The following PIWIL4 variants were observed in gnomAD, a reference collection of about 807,000 sequenced individuals.
PIWIL4 encodes the protein piwi like RNA-mediated gene silencing 4, also known as piwi-like protein 4.
PIWIL4 carries 50 observed loss-of-function variants against 100.9 expected under a neutral mutation model. The observed-to-expected ratio is 0.50, with a 90% CI of 0.39 to 0.63. The LOEUF (loss-of-function observed/expected upper bound fraction) is 0.63, where lower values mean the gene tolerates loss of function less well. PIWIL4 is among the 20% of genes least tolerant of loss of function. The pLI is 0.00. For synonymous variants in PIWIL4, 342 were observed against 367.5 expected (o/e 0.93, Z 0.79); for missense variants, 887 against 1,043.3 (o/e 0.85, Z 2.06).
intron 9 of PIWIL4, among the ~76,000 whole-genome samples, chr11:94,594,047 C>G (rs16920658): frequency 1.3e-5 from 2 of 152,038 alleles, no homozygotes; most frequent in Non-Finnish European, 2.9e-5. Context: ...ATAACTGCCT[C>G]GAGTACTTTT....
chr11:94,579,293 A>G (rs964697779), intron 4 of PIWIL4, among the ~76,000 whole-genome samples: 2 of 152,170 alleles, frequency 1.3e-5, no homozygotes, highest in Admixed American at 6.5e-5. Flanking sequence ...GGAAATAGCT[A>G]TTGTGTATTT....
chr11:94,606,455 A>G (rs1050092647), intron 13 of PIWIL4, among the ~76,000 whole-genome samples: 2 of 152,122 alleles, frequency 1.3e-5, no homozygotes, highest in African/African-American at 4.8e-5. Context: ...CTTTTCTACA[A>G]TTTGGGGGCT....
chr11:94,608,381 T>C, intron 14 of PIWIL4: 1 of 537,432 alleles, frequency 1.9e-6, no homozygotes, highest in Non-Finnish European at 3.3e-6. Flanking sequence ...AAGATAAGTG[T>C]GTACCATATT....
intron 11 of PIWIL4, among the ~76,000 whole-genome samples, chr11:94,600,073 G>A (rs776400336): frequency 3.9e-5 from 6 of 152,096 alleles, no homozygotes; most frequent in Non-Finnish European, 7.4e-5. Flanking sequence ...TGTGCCAAAG[G>A]CATCATTCAA....
chr11:94,584,209 A>C (rs1948366288), intron 5 of PIWIL4, among the ~76,000 whole-genome samples: 1 of 152,222 alleles, frequency 6.6e-6, no homozygotes, highest in African/African-American at 2.4e-5. Flanking sequence ...TTTAGGATAC[A>C]CTGAAGCTTG....
chr11:94,602,965 G>T (rs1353189597), intron 12 of PIWIL4, among the ~76,000 whole-genome samples: 1 of 152,236 alleles, frequency 6.6e-6, no homozygotes, highest in Non-Finnish European at 1.5e-5. Context: ...TCTTTCTCAT[G>T]TGAATTCTGG....
chr11:94,605,304 C>T (rs1362165902), intron 13 of PIWIL4, among the ~76,000 whole-genome samples: 1 of 152,202 alleles, frequency 6.6e-6, no homozygotes, highest in Non-Finnish European at 1.5e-5. Context: ...TTTTCCTTGA[C>T]TCTGATGACC....
At chr11:94,575,206 A>G (rs1402776267) in intron 3 of PIWIL4, 76 bp downstream of exon 3, 1 of 1,435,088 alleles carries the variant, frequency 7.0e-7, no homozygotes, top group Non-Finnish European at 9.6e-7. Flanking sequence ...TAGGTCTAAA[A>G]TAAATAAGTT....
intron 12 of PIWIL4, 143 bp from the exon 13 acceptor site, chr11:94,603,841 A>T (rs1948678970): frequency 1.8e-6 from 1 of 551,114 alleles, no homozygotes; most frequent in Non-Finnish European, 3.2e-6. Flanking sequence ...ACAATTTTAG[A>T]CTCAAAAGGT....
intron 13 of PIWIL4, among the ~76,000 whole-genome samples, chr11:94,606,310 A>G (rs1243377187): frequency 6.6e-6 from 1 of 152,226 alleles, no homozygotes; most frequent in East Asian, 1.9e-4. Context: ...CCTTTTGCTG[A>G]TAATTTAAAA....
chr11:94,587,284 A>G, intron 7 of PIWIL4, 37 bp downstream of exon 7: 1 of 1,570,486 alleles, frequency 6.4e-7, no homozygotes, highest in Non-Finnish European at 8.7e-7. Flanking sequence ...TTCTTCAGAA[A>G]TCAATCATTG....
chr11:94,615,114 T>A (rs1009311741), intron 15 of PIWIL4, among the ~76,000 whole-genome samples: 1 of 152,072 alleles, frequency 6.6e-6, no homozygotes, highest in Non-Finnish European at 1.5e-5. Flanking sequence ...GGCCTCTTGA[T>A]GAAGCTCATA....
intron 2 of PIWIL4, among the ~76,000 whole-genome samples, chr11:94,571,734 C>T (rs1366292354): frequency 2.0e-5 from 3 of 152,224 alleles, no homozygotes; most frequent in East Asian, 1.9e-4. Context: ...TGAATAGTGC[C>T]ACAATAAACA....
chr11:94,578,921 T>C (rs1948278708), intron 4 of PIWIL4, among the ~76,000 whole-genome samples: 1 of 152,254 alleles, frequency 6.6e-6, no homozygotes, highest in Non-Finnish European at 1.5e-5. Flanking sequence ...TCCTTTTTCC[T>C]GTTCCCTTGC....
intron 2 of PIWIL4, 137 bp from the exon 3 acceptor site, chr11:94,574,862 A>G: frequency 1.2e-6 from 1 of 834,020 alleles, no homozygotes; most frequent in Non-Finnish European, 1.9e-6. Context: ...TGTAATAGTC[A>G]TGAATGGTTT....
rs1250896826 is a variant in PIWIL4, at chr11:94,595,356, G to T, written c.1198G>T (p.Ala400Ser). ...TGATTTCCAGCTGATGAAGGCTGTG[G>T]CTGAAAAGACACGTCTCAGTCCTTC... ...TSDFQLMKAV[A>S]EKTRLSPSGR... The change falls in exon 10 of 20, where the codon GCT becomes TCT. Residue 400 changes from alanine to serine, a missense_variant. Physicochemically the swap from Ala to Ser is moderately conservative, Grantham distance 99. This residue lies in a region of PIWIL4 where 741 missense variants were observed against 930.0 expected (regional missense o/e 0.80). Transcript: ENST00000299001. The T allele has an allele frequency of 1.9e-6, 3 of 1,613,926 alleles. No individual in the cohort carries two copies. In the Admixed American group the frequency reaches 5.0e-5, roughly 27 times the overall value.
rs549427903 is a variant in PIWIL4 at position 94,586,917 on chromosome 11, A to C, written c.717-133A>C. On this transcript the variant is annotated intron_variant, in intron 6 of 19. Transcript: ENST00000299001. ...AAAGTTTTCAGTCAACAACTGGAAG[A>C]AATCAGACTAAAGAAAAAAATTATC... The C allele has an allele frequency of 7.1e-5, 63 of 893,442 alleles. No homozygotes were observed. In the African/African-American group the frequency reaches 9.9e-4, roughly 14 times the overall value. 55.3% of individuals were successfully genotyped at this position (893,442 alleles called of 1,614,324 possible). A position where few individuals can be genotyped will look rare whatever the true frequency, so the allele number is the denominator to read the frequency against.
intron 11 of PIWIL4, 61 bp downstream of exon 11, chr11:94,597,976 G>T: frequency 7.6e-7 from 1 of 1,317,722 alleles, no homozygotes. Context: ...TAAGTTTTGT[G>T]CATTGGCCAG....
rs569857568 is a variant in PIWIL4, at chr11:94,567,599, G to C, written c.81G>C (p.Ser27=). 34 of 1,602,722 alleles carry C rather than the reference G, an allele frequency of 2.1e-5. No individual in the cohort carries two copies. Among genetic ancestry groups the C allele is most frequent in the Non-Finnish European group, 2.7e-5 (32 of 1,174,540 alleles). ...CAGAAGTGGGGCGCATCCAAGCCTC[G>C]CCATTGGTGTGTAGAATGCTTATTG... ...SATEVGRIQA[S]PLPRSVDLSN... is the part of the protein sequence containing the mutation. The change falls in exon 1 of 20, where the codon TCG becomes TCC. Residue 27 remains serine (S), a synonymous_variant. Coordinates refer to ENST00000299001, the MANE Select transcript of PIWIL4 (RefSeq NM_152431.3).
Sources: allele counts gnomAD v4.1 joint callset (sites outside exome capture counted in the v4.1 genomes callset), GRCh38; gene constraint gnomAD v4.1.1; regional missense constraint gnomAD v4.1.1; transcripts MANE v1.5; gene names NCBI Gene and HGNC (gene_info 2026-07-23, HGNC 2026-07-21).